PIK3CA: variants seen among roughly 807,000 people sequenced by gnomAD.
PIK3CA encodes the protein phosphatidylinositol-4,5-bisphosphate 3-kinase catalytic subunit alpha.
In PIK3CA, 27 loss-of-function variants were observed where a neutral mutation model predicts 138.2. That is an observed-to-expected ratio of 0.20 (90% CI 0.14 to 0.27). PIK3CA has a LOEUF of 0.27. Among genes scored for constraint, PIK3CA ranks in the 10% least tolerant of loss-of-function variants. PIK3CA has a pLI of 1.00. For missense variants in PIK3CA, 544 were observed against 1,277.4 expected, an observed-to-expected ratio of 0.43 and a Z score of 8.75; for synonymous variants, 358 against 413.2, an observed-to-expected ratio of 0.87 and a Z score of 1.62.
At chr3:179,191,221 T>G (rs756592445) in intron 1 of PIK3CA, among the ~76,000 whole-genome samples, 8 of 152,208 alleles carry the variant, frequency 5.3e-5, no homozygotes, top group Non-Finnish European at 1.0e-4. Flanking sequence ...TTCAAAGAAC[T>G]CATCATGTCA....
At chr3:179,184,206 C>T (rs1010300365) in intron 1 of PIK3CA, among the ~76,000 whole-genome samples, 1 of 152,220 alleles carries the variant, frequency 6.6e-6, no homozygotes, top group Non-Finnish European at 1.5e-5. Flanking sequence ...TCCATTTACA[C>T]CTTCTCCTTA....
rs111868222 is a variant in PIK3CA, at chr3:179,184,718, G to A, written c.-76-14032G>A. 7.4e-3 allele frequency among the ~76,000 whole-genome samples: 1,133 copies of A among 152,262 alleles called. 5 individuals carry two copies. The highest frequency in any genetic ancestry group is 0.02 in the Middle Eastern group (6 of 294). On this transcript the variant is annotated intron_variant, in intron 1 of 20. Coordinates refer to ENST00000263967, the MANE Select transcript of PIK3CA (RefSeq NM_006218.4). ...TCTTCTGTTTAGGCATTTTGGTGGG[G>A]ATTTTTTCCCCTCTGTGGATACCGA...
chr3:179,173,388 GTC>G (rs1723610008), intron 1 of PIK3CA, among the ~76,000 whole-genome samples: 1 of 120,442 alleles, frequency 8.3e-6, no homozygotes, highest in African/African-American at 3.5e-5. Context: ...GTGAAACCCC[GTC>G]TCTGCTAAAA....
At chr3:179,215,354 A>G (rs2108405711) in intron 9 of PIK3CA, among the ~76,000 whole-genome samples, 1 of 152,306 alleles carries the variant, frequency 6.6e-6, no homozygotes, top group South Asian at 2.1e-4. Flanking sequence ...TGCTTATTTT[A>G]TAGCAGAATA....
chr3:179,228,431 TTTAGA>T (rs1370625020), intron 17 of PIK3CA, among the ~76,000 whole-genome samples: 6 of 152,062 alleles, frequency 3.9e-5, no homozygotes, highest in Non-Finnish European at 7.4e-5. Flanking sequence ...TTGATACAGT[TTTAGA>T]TTACATTTTG....
chr3:179,195,668 G>C (rs532115681), intron 1 of PIK3CA, among the ~76,000 whole-genome samples: 1 of 152,128 alleles, frequency 6.6e-6, no homozygotes, highest in African/African-American at 2.4e-5. Flanking sequence ...TAACAGCATG[G>C]TTATAATATG....
Position 179,199,166 on chromosome 3 carries a change from A to G in PIK3CA, c.341A>G (p.Asn114Ser), listed in dbSNP as rs746860750. 1.6e-5 allele frequency: 25 copies of G among 1,570,318 alleles called. No homozygotes were observed. Among genetic ancestry groups the G allele is most frequent in the Middle Eastern group, 1.7e-4 (1 of 5,810 alleles). ...GGCAACCGTGAAGAAAAGATCCTCA[A>G]TCGAGAAATTGGTATGATACAATAT... ...PVGNREEKIL[N>S]REIGFAIGMP... Residue 114 changes from asparagine (N) to serine (S), a missense_variant, in exon 2 of 21, where the codon AAT becomes AGT. Coordinates refer to ENST00000263967, the MANE Select transcript of PIK3CA (RefSeq NM_006218.4).
At chr3:179,203,866 T>A in intron 5 of PIK3CA, 77 bp downstream of exon 5, 2 of 1,001,380 alleles carry the variant, frequency 2.0e-6, no homozygotes, top group Non-Finnish European at 2.9e-6. Flanking sequence ...TACAGTAATC[T>A]GTTGACCTGT....
At chr3:179,222,437 T>G (rs1366871633) in intron 14 of PIK3CA, among the ~76,000 whole-genome samples, 2 of 152,172 alleles carry the variant, frequency 1.3e-5, no homozygotes, top group African/African-American at 4.8e-5. Flanking sequence ...ATATTGTAAC[T>G]GAGCTGAGAA....
rs200525480 is a variant in PIK3CA, at chr3:179,230,180, T to C, written c.2785-45T>C. 5 of 1,553,680 alleles carry C rather than the reference T, an allele frequency of 3.2e-6. No individual in the cohort carries two copies. Among genetic ancestry groups the C allele is most frequent in the Non-Finnish European group, 4.4e-6 (5 of 1,128,066 alleles). On this transcript the variant is annotated intron_variant, in intron 19 of 20. Coordinates refer to ENST00000263967, the MANE Select transcript of PIK3CA (RefSeq NM_006218.4). This position sits in a 1 kb window ranked among gnomAD's most constrained non-coding sequence, Gnocchi z 5.4. Reference sequence around the variant, plus strand: ...TTCTTAATTTATTCAAGACATTTTGTATCTGCATATATCAAACTATAACAT... The same window carrying C: ...TTCTTAATTTATTCAAGACATTTTGCATCTGCATATATCAAACTATAACAT...
chr3:179,189,075 A>G (rs1382086951), intron 1 of PIK3CA, among the ~76,000 whole-genome samples: 4 of 152,016 alleles, frequency 2.6e-5, no homozygotes, highest in Non-Finnish European at 5.9e-5. Context: ...TTAGCTGGGC[A>G]TGGTAGCACA....
chr3:179,230,913 C>T lies in PIK3CA; in HGVS notation c.2936+537C>T, dbSNP rs1325993902. On this transcript the variant is annotated intron_variant, in intron 20 of 20. Coordinates refer to ENST00000263967, the MANE Select transcript of PIK3CA (RefSeq NM_006218.4). This position sits in a 1 kb window ranked among gnomAD's most constrained non-coding sequence, Gnocchi z 5.4. ...AGTGGTAAAGTCTGAGATTTTAGCGCACCTGTAACCCAAGTAGTGTGCTTT... is the reference window on the plus strand; with the variant it reads ...AGTGGTAAAGTCTGAGATTTTAGCGTACCTGTAACCCAAGTAGTGTGCTTT... 1.3e-5 allele frequency among the ~76,000 whole-genome samples: 2 copies of T among 152,094 alleles called. No homozygotes were observed. Among genetic ancestry groups the T allele is most frequent in the East Asian group, 1.9e-4 (1 of 5,190 alleles).
intron 1 of PIK3CA, among the ~76,000 whole-genome samples, chr3:179,161,720 T>G (rs1050998897): frequency 4.6e-5 from 7 of 152,118 alleles, no homozygotes; most frequent in Non-Finnish European, 7.4e-5. Context: ...AATAAAGAGA[T>G]AACAGAAAGT....
At chr3:179,155,530 G>T (rs942029450) in intron 1 of PIK3CA, among the ~76,000 whole-genome samples, 26 of 150,922 alleles carry the variant, frequency 1.7e-4, no homozygotes, top group African/African-American at 6.3e-4. Flanking sequence ...TGCATATACA[G>T]ATTTTTTTTG....
chr3:179,180,161 A>G (rs1446884391), intron 1 of PIK3CA, among the ~76,000 whole-genome samples: 1 of 152,140 alleles, frequency 6.6e-6, no homozygotes, highest in African/African-American at 2.4e-5. Flanking sequence ...TTAGATAGCC[A>G]ATTCTAGTGA....
chr3:179,186,925 A>G (rs1576926131), intron 1 of PIK3CA, among the ~76,000 whole-genome samples: 1 of 152,180 alleles, frequency 6.6e-6, no homozygotes, highest in Non-Finnish European at 1.5e-5. Context: ...CACTGTCTTC[A>G]GTATATACAG....
intron 1 of PIK3CA, among the ~76,000 whole-genome samples, chr3:179,161,105 C>T (rs571170407): frequency 7.7e-4 from 118 of 152,266 alleles, no homozygotes; most frequent in Middle Eastern, 3.4e-3. Flanking sequence ...AAGAATGGCA[C>T]AGGAGGCTCA....
At chr3:179,193,059 G>A (rs1724175895) in intron 1 of PIK3CA, among the ~76,000 whole-genome samples, 1 of 152,138 alleles carries the variant, frequency 6.6e-6, no homozygotes. Context: ...GTTCTTAAAG[G>A]CGTCGTTACT....
intron 9 of PIK3CA, among the ~76,000 whole-genome samples, chr3:179,217,935 T>C (rs1724873718): frequency 6.6e-6 from 1 of 152,072 alleles, no homozygotes; most frequent in Admixed American, 6.6e-5. Flanking sequence ...TAATCTGGTC[T>C]TGTTGTTGGC....
Sources: gnomAD v4.1 joint callset for allele counts (sites outside exome capture counted in the v4.1 genomes callset) on GRCh38, gnomAD v4.1.1 for gene constraint, Gnocchi (gnomAD v3.1) non-coding constraint, MANE v1.5 for transcripts, NCBI Gene and HGNC (gene_info 2026-07-23, HGNC 2026-07-21) for gene names.